SND1: variants seen among roughly 807,000 people sequenced by gnomAD.
SND1 encodes the protein staphylococcal nuclease and tudor domain containing 1.
A neutral mutation model predicts 121.7 loss-of-function variants in SND1; 38 were observed. The ratio of observed to expected loss-of-function variants is 0.31; its 90% CI spans 0.24 to 0.41. The LOEUF is 0.41. Ranked by LOEUF, SND1 falls within the 10% of genes least tolerant of loss-of-function variation. SND1 has a pLI of 1.00. For missense variants in SND1, 868 were observed against 1,184.6 expected (o/e 0.73, Z 3.92); for synonymous variants, 401 against 447.4 (o/e 0.90, Z 1.31).
intron 16 of SND1, among the ~76,000 whole-genome samples, chr7:128,033,213 G>A (rs910717375): frequency 6.6e-6 from 1 of 152,186 alleles, no homozygotes; most frequent in Non-Finnish European, 1.5e-5. Flanking sequence ...TCTGGTAGGA[G>A]ACCCTAAGGC....
chr7:127,745,822 A>T (rs1796971790), intron 10 of SND1, among the ~76,000 whole-genome samples: 1 of 152,144 alleles, frequency 6.6e-6, no homozygotes, highest in African/African-American at 2.4e-5. Context: ...GTGTAGTCTG[A>T]TTGAATACTG....
chr7:127,691,959 A>T (rs986748922), intron 2 of SND1, among the ~76,000 whole-genome samples: 1 of 151,940 alleles, frequency 6.6e-6, no homozygotes, highest in Non-Finnish European at 1.5e-5. Context: ...ATATTTTGCT[A>T]TTATTTTAAA....
At chr7:128,011,808 T>A (rs895949569) in intron 16 of SND1, among the ~76,000 whole-genome samples, 5 of 152,156 alleles carry the variant, frequency 3.3e-5, no homozygotes, top group African/African-American at 9.7e-5. Context: ...TTAAATGAAG[T>A]GTTTAAGGTT....
intron 13 of SND1, among the ~76,000 whole-genome samples, chr7:127,897,930 G>T (rs1460571682): frequency 2.0e-5 from 3 of 152,146 alleles, no homozygotes; most frequent in Non-Finnish European, 4.4e-5. Context: ...TAAAATCAGT[G>T]TCATTGAGGC....
chr7:128,081,635 G>A (rs1030456716), intron 18 of SND1, 134 bp downstream of exon 18: 22 of 986,284 alleles, frequency 2.2e-5, no homozygotes, highest in Non-Finnish European at 3.0e-5. Flanking sequence ...AAGAGCTCAC[G>A]TTGCCGCCCC....
chr7:127,915,635 A>G (rs1021265115), intron 14 of SND1, among the ~76,000 whole-genome samples: 1 of 152,244 alleles, frequency 6.6e-6, no homozygotes, highest in Admixed American at 6.5e-5. Context: ...ACAATTTGTT[A>G]TATAATTACA....
chr7:127,713,128 A>T (rs963781825), intron 9 of SND1, among the ~76,000 whole-genome samples: 5 of 152,250 alleles, frequency 3.3e-5, no homozygotes, highest in African/African-American at 1.2e-4. Flanking sequence ...CTTGGTGGCC[A>T]TGTGGTCTCT....
rs1236760117 is a variant in SND1 at position 127,701,332 on chromosome 7, G to C, written c.589+9G>C. The C allele has an allele frequency of 3.7e-6, 6 of 1,612,816 alleles. No individual in the cohort carries two copies. Among genetic ancestry groups the C allele is most frequent in the Non-Finnish European group, 5.1e-6 (6 of 1,179,270 alleles). ...CCAGAAGCCTGTTAATGGTGAGGCT[G>C]GTGGGAACAGACAGATACGACTCAG... is the stretch of plus-strand genomic sequence containing the variant. On this transcript the variant is annotated intron_variant, in intron 5 of 23. Coordinates refer to ENST00000354725, the MANE Select transcript of SND1 (RefSeq NM_014390.4).
chr7:127,915,431 A>G (rs756570019), intron 14 of SND1, among the ~76,000 whole-genome samples: 1 of 152,056 alleles, frequency 6.6e-6, no homozygotes, highest in Non-Finnish European at 1.5e-5. Flanking sequence ...GAGTTCTTTT[A>G]CTGCCTCTTT....
chr7:127,775,019 C>A (rs575750375), intron 10 of SND1, among the ~76,000 whole-genome samples: 22 of 152,292 alleles, frequency 1.4e-4, no homozygotes, highest in Admixed American at 4.6e-4. Flanking sequence ...ATCATGCTGG[C>A]TTAGAATGGG....
intron 14 of SND1, among the ~76,000 whole-genome samples, chr7:127,905,217 T>A (rs1347588492): frequency 6.6e-6 from 1 of 152,164 alleles, no homozygotes; most frequent in Non-Finnish European, 1.5e-5. Flanking sequence ...AGTATATGAA[T>A]TCATCATGAT....
At chr7:127,809,241 C>CAAT (rs1798292428) in intron 11 of SND1, among the ~76,000 whole-genome samples, 3 of 152,172 alleles carry the variant, frequency 2.0e-5, no homozygotes, top group African/African-American at 7.2e-5. Context: ...GAGAAGCCTC[C>CAAT]TTTATTGGTT....
intron 13 of SND1, among the ~76,000 whole-genome samples, chr7:127,899,429 C>A (rs554205517): frequency 3.3e-5 from 5 of 152,042 alleles, no homozygotes; most frequent in Non-Finnish European, 7.4e-5. Flanking sequence ...TAGTGTTGAC[C>A]TAGAACAACA....
At chr7:127,736,213 A>G (rs925998678) in intron 10 of SND1, among the ~76,000 whole-genome samples, 4 of 152,202 alleles carry the variant, frequency 2.6e-5, no homozygotes, top group African/African-American at 7.2e-5. Flanking sequence ...AATTTTCCTG[A>G]TTATAAATGT....
chr7:128,025,444 G>GC (rs1462889226), intron 16 of SND1, among the ~76,000 whole-genome samples: 1 of 152,076 alleles, frequency 6.6e-6, no homozygotes, highest in Non-Finnish European at 1.5e-5. Context: ...ATTTTTCACG[G>GC]CCTTCAGTTC....
At chr7:127,741,807 G>T (rs1796886282) in intron 10 of SND1, among the ~76,000 whole-genome samples, 1 of 152,028 alleles carries the variant, frequency 6.6e-6, no homozygotes, top group South Asian at 2.1e-4. Flanking sequence ...GTTCTTTTGG[G>T]GTAGCTCAGA....
At chr7:127,662,919 ATCTC>A (rs1021641419) in intron 1 of SND1, among the ~76,000 whole-genome samples, 4 of 143,484 alleles carry the variant, frequency 2.8e-5, no homozygotes, top group African/African-American at 7.7e-5. Flanking sequence ...TTGAGACAGA[ATCTC>A]TCTGTCACCC....
At chr7:127,917,056 C>T (rs1800594804) in intron 14 of SND1, among the ~76,000 whole-genome samples, 1 of 152,208 alleles carries the variant, frequency 6.6e-6, no homozygotes, top group South Asian at 2.1e-4. Context: ...AACAAACTAA[C>T]TTATGTTATC....
chr7:128,017,223 G>C (rs994469208), intron 16 of SND1, among the ~76,000 whole-genome samples: 1 of 152,130 alleles, frequency 6.6e-6, no homozygotes, highest in Non-Finnish European at 1.5e-5. Flanking sequence ...AGCCTTGGAG[G>C]TTAGGGTAGG....
Sources: allele counts gnomAD v4.1 joint callset (sites outside exome capture counted in the v4.1 genomes callset), GRCh38; gene constraint gnomAD v4.1.1; transcripts MANE v1.5; gene names NCBI Gene and HGNC (gene_info 2026-07-23, HGNC 2026-07-21).